Variants in STK39 observed in about 807,000 individuals in gnomAD.
The protein encoded by STK39 is STE20/SPS1-related proline-alanine-rich protein kinase.
Under a neutral mutation model 77.8 loss-of-function variants are expected in STK39, and 20 were observed. That is an observed-to-expected ratio of 0.26 (90% CI 0.18 to 0.37). The LOEUF (loss-of-function observed/expected upper bound fraction) is 0.37, where lower values mean the gene tolerates loss of function less well. Ranked by LOEUF, STK39 falls within the 10% of genes least tolerant of loss-of-function variation. STK39 has a pLI of 1.00. For synonymous variants in STK39, 246 were observed against 234.1 expected (o/e 1.05, Z -0.47); for missense variants, 479 against 656.5 (o/e 0.73, Z 2.95).
chr2:167,980,754 T>TA (rs1683395562), intron 16 of STK39, among the ~76,000 whole-genome samples: 1 of 29,476 alleles, frequency 3.4e-5, no homozygotes, highest in African/African-American at 2.3e-4. Flanking sequence ...CTTGTTGTTG[T>TA]TTTTTTTTTT....
intron 14 of STK39, among the ~76,000 whole-genome samples, chr2:168,031,074 C>T (rs1259983673): frequency 6.6e-6 from 1 of 152,132 alleles, no homozygotes; most frequent in Non-Finnish European, 1.5e-5. Flanking sequence ...TTACATGGTT[C>T]TCCAATGACT....
At chr2:168,107,977 C>T (rs1687023004) in intron 10 of STK39, among the ~76,000 whole-genome samples, 1 of 152,152 alleles carries the variant, frequency 6.6e-6, no homozygotes, top group South Asian at 2.1e-4. Flanking sequence ...ATTTCCAAGC[C>T]AACCAAATTT....
At chr2:168,245,974 T>C (rs1243008752) in intron 1 of STK39, among the ~76,000 whole-genome samples, 2 of 152,182 alleles carry the variant, frequency 1.3e-5, no homozygotes, top group Non-Finnish European at 2.9e-5. Flanking sequence ...TTTATATATA[T>C]ATTTCCGTCT....
At chr2:168,109,283 A>G (rs909651884) in intron 10 of STK39, among the ~76,000 whole-genome samples, 1 of 152,164 alleles carries the variant, frequency 6.6e-6, no homozygotes, top group Non-Finnish European at 1.5e-5. Context: ...TATCATCTCA[A>G]ATGTATATCC....
At chr2:168,204,649 A>G (rs772793226) in intron 1 of STK39, among the ~76,000 whole-genome samples, 17 of 152,188 alleles carry the variant, frequency 1.1e-4, no homozygotes, top group Non-Finnish European at 2.4e-4. Context: ...AAAGCTACAG[A>G]AAGTATGATT....
At chr2:168,053,291 G>T (rs1685443676) in intron 14 of STK39, among the ~76,000 whole-genome samples, 1 of 151,974 alleles carries the variant, frequency 6.6e-6, no homozygotes, top group Non-Finnish European at 1.5e-5. Context: ...GATATGAAAA[G>T]GTATCCAGGA....
chr2:168,214,814 C>A (rs1057375690), intron 1 of STK39, among the ~76,000 whole-genome samples: 1 of 152,160 alleles, frequency 6.6e-6, no homozygotes, highest in African/African-American at 2.4e-5. Flanking sequence ...CCTGCCCAGA[C>A]CACTGATAAC....
intron 14 of STK39, among the ~76,000 whole-genome samples, chr2:168,025,888 T>C (rs1684684396): frequency 6.6e-6 from 1 of 152,184 alleles, no homozygotes; most frequent in Admixed American, 6.5e-5. Context: ...GGAGACTCCT[T>C]CGGGAATTGA....
chr2:168,247,158 A>C, intron 1 of STK39, 70 bp downstream of exon 1: 4 of 1,061,320 alleles, frequency 3.8e-6, no homozygotes, highest in Non-Finnish European at 4.5e-6. Context: ...CTAGCCCAGC[A>C]TCCCGCGCCC....
intron 10 of STK39, among the ~76,000 whole-genome samples, chr2:168,121,542 G>A (rs1312613575): frequency 3.9e-5 from 6 of 152,104 alleles, no homozygotes; most frequent in Non-Finnish European, 7.4e-5. Context: ...CAATGGCAAT[G>A]AACTAACTAC....
At chr2:168,012,374 A>G (rs1318430447) in intron 16 of STK39, among the ~76,000 whole-genome samples, 2 of 152,016 alleles carry the variant, frequency 1.3e-5, no homozygotes, top group Non-Finnish European at 2.9e-5. Flanking sequence ...GGTTTCACCA[A>G]ATAGGCCATG....
At chr2:168,089,753 AC>A (rs1443034039) in intron 10 of STK39, among the ~76,000 whole-genome samples, 1 of 152,194 alleles carries the variant, frequency 6.6e-6, no homozygotes, top group Non-Finnish European at 1.5e-5. Flanking sequence ...AGCTGGGATT[AC>A]AGGCGCCCGC....
At chr2:167,975,553 C>A (rs566697921) in intron 16 of STK39, among the ~76,000 whole-genome samples, 8 of 152,304 alleles carry the variant, frequency 5.3e-5, no homozygotes, top group African/African-American at 1.9e-4. Context: ...CGGTGGCTCA[C>A]GCCTGTAATC....
intron 16 of STK39, among the ~76,000 whole-genome samples, chr2:167,998,352 T>C (rs1225497172): frequency 5.3e-5 from 8 of 152,254 alleles, no homozygotes; most frequent in African/African-American, 1.9e-4. Context: ...ATTCACTAAA[T>C]TCGACTGCAA....
chr2:168,233,093 C>T (rs776101972), intron 1 of STK39, among the ~76,000 whole-genome samples: 12 of 152,120 alleles, frequency 7.9e-5, no homozygotes, highest in South Asian at 2.1e-4. Context: ...ACTCTAGCCC[C>T]GATCTTGACT....
chr2:167,993,139 T>C (rs1683744087), intron 16 of STK39, among the ~76,000 whole-genome samples: 1 of 152,220 alleles, frequency 6.6e-6, no homozygotes, highest in African/African-American at 2.4e-5. Flanking sequence ...GAATGAGCGA[T>C]TTATGTAAGA....
intron 1 of STK39, among the ~76,000 whole-genome samples, chr2:168,230,545 C>T (rs1690427260): frequency 6.6e-6 from 1 of 152,196 alleles, no homozygotes; most frequent in Non-Finnish European, 1.5e-5. Flanking sequence ...CCCAGCCAAA[C>T]CCAAATTGCT....
intron 1 of STK39, among the ~76,000 whole-genome samples, chr2:168,183,755 T>C (rs1045470127): frequency 3.3e-4 from 50 of 152,180 alleles, no homozygotes; most frequent in Admixed American, 2.9e-3. Flanking sequence ...TGCTACCCCA[T>C]TGGCTGCTAC....
chr2:168,219,341 C>T lies in STK39; in HGVS notation c.208+27887G>A, dbSNP rs552016710. On this transcript the variant is annotated intron_variant, in intron 1 of 17. Transcript: ENST00000355999. Reference sequence around the variant, plus strand: ...GGTGTGTTCAGATACTTTCCACATACACTTAACTCTCAATTTATTGCTCAA... The same window carrying T: ...GGTGTGTTCAGATACTTTCCACATATACTTAACTCTCAATTTATTGCTCAA... Among the ~76,000 whole-genome samples, 5 of 152,070 alleles carry T rather than the reference C, an allele frequency of 3.3e-5. No homozygotes were observed. In the East Asian group the frequency reaches 9.7e-4, roughly 29 times the overall value.
Sources: allele counts gnomAD v4.1 joint callset (sites outside exome capture counted in the v4.1 genomes callset), GRCh38; gene constraint gnomAD v4.1.1; transcripts MANE v1.5; gene names NCBI Gene and HGNC (gene_info 2026-07-23, HGNC 2026-07-21).